NARS2: variants seen among roughly 807,000 people sequenced by gnomAD.
NARS2 encodes the protein asparaginyl-tRNA synthetase 2, mitochondrial.
Under a neutral mutation model 62.9 loss-of-function variants are expected in NARS2, and 60 were observed. The observed-to-expected ratio is 0.95, with a 90% CI of 0.77 to 1.18. NARS2 has a LOEUF of 1.18. NARS2 is among the 50% of genes most tolerant of loss of function. NARS2 has a pLI of 0.00. For missense variants in NARS2, 619 were observed against 576.4 expected (o/e 1.07, Z -0.76); for synonymous variants, 196 against 200.0 (o/e 0.98, Z 0.17).
chr11:78,565,981 G>T, intron 4 of NARS2, 151 bp downstream of exon 4: 1 of 589,936 alleles, frequency 1.7e-6, no homozygotes, highest in Non-Finnish European at 2.8e-6. Flanking sequence ...AGGTCATGTA[G>T]AGTCAAGAAA....
At chr11:78,449,477 G>A (rs955072959) in intron 11 of NARS2, among the ~76,000 whole-genome samples, 11 of 151,420 alleles carry the variant, frequency 7.3e-5, no homozygotes, top group Admixed American at 7.2e-4. Flanking sequence ...GGATAGCTAC[G>A]TTAAAAAAAA....
intron 5 of NARS2, among the ~76,000 whole-genome samples, chr11:78,534,102 G>C (rs543446234): frequency 6.6e-6 from 1 of 152,132 alleles, no homozygotes; most frequent in Non-Finnish European, 1.5e-5. Flanking sequence ...TATGAATAAA[G>C]CTGCTTTGTA....
chr11:78,551,576 C>T (rs568343501), intron 5 of NARS2, among the ~76,000 whole-genome samples: 15 of 152,294 alleles, frequency 9.8e-5, no homozygotes, highest in African/African-American at 1.9e-4. Flanking sequence ...CCAGGCTGGG[C>T]GCGGTGGCTC....
intron 13 of NARS2, 27 bp from the exon 14 acceptor site, chr11:78,436,841 A>G (rs778168471): frequency 6.2e-7 from 1 of 1,605,034 alleles, no homozygotes; most frequent in Admixed American, 1.7e-5. Flanking sequence ...GAAAATCATC[A>G]TCTATATATA....
At chr11:78,445,203 T>C (rs1857715653) in intron 11 of NARS2, among the ~76,000 whole-genome samples, 2 of 152,216 alleles carry the variant, frequency 1.3e-5, no homozygotes, top group Non-Finnish European at 2.9e-5. Flanking sequence ...AGTTTTATAA[T>C]AGAAAACATC....
At chr11:78,556,581 A>C (rs913475605) in intron 5 of NARS2, among the ~76,000 whole-genome samples, 1 of 152,156 alleles carries the variant, frequency 6.6e-6, no homozygotes, top group Non-Finnish European at 1.5e-5. Context: ...TTGCTTTTTG[A>C]TTTTTGTTTC....
intron 10 of NARS2, 97 bp downstream of exon 10, chr11:78,469,150 G>A (rs1236978254): frequency 1.6e-5 from 13 of 819,812 alleles, no homozygotes; most frequent in Non-Finnish European, 2.4e-5. Context: ...GCTAATAAGA[G>A]AATTAAGATG....
intron 6 of NARS2, among the ~76,000 whole-genome samples, chr11:78,509,605 CTTTAA>C (rs1052189714): frequency 2.0e-5 from 3 of 151,234 alleles, no homozygotes; most frequent in African/African-American, 7.3e-5. Context: ...TTTTCTACAG[CTTTAA>C]TTTAAGAGGT....
chr11:78,448,346 T>G (rs1857837201), intron 11 of NARS2, among the ~76,000 whole-genome samples: 1 of 150,358 alleles, frequency 6.7e-6, no homozygotes, highest in Non-Finnish European at 1.5e-5. Context: ...AGACGGACTC[T>G]CGCTCTGTAG....
intron 11 of NARS2, among the ~76,000 whole-genome samples, chr11:78,444,727 C>CAAAGGAAAAAAAA (rs56788561): frequency 1.1e-5 from 1 of 92,416 alleles, no homozygotes; most frequent in African/African-American, 3.6e-5. Context: ...TCAAACAAAA[C>CAAAGGAAAAAAAA]AAAAAAAAAA....
At chr11:78,461,783 CAA>C (rs56753439) in intron 11 of NARS2, among the ~76,000 whole-genome samples, 19 of 93,114 alleles carry the variant, frequency 2.0e-4, no homozygotes, top group Admixed American at 3.3e-4. Context: ...GTACCCACTA[CAA>C]AAAAAAAAAA....
intron 11 of NARS2, among the ~76,000 whole-genome samples, chr11:78,452,416 TTTTA>T (rs1364961125): frequency 1.3e-5 from 2 of 151,958 alleles, no homozygotes; most frequent in African/African-American, 4.8e-5. Context: ...CGATTTTTTT[TTTTA>T]TTTTTGAGAC....
intron 6 of NARS2, among the ~76,000 whole-genome samples, chr11:78,522,254 G>A (rs1391461997): frequency 6.6e-6 from 1 of 151,848 alleles, no homozygotes; most frequent in East Asian, 1.9e-4. Flanking sequence ...CACTGTGCCT[G>A]GTTGACAATC....
chr11:78,472,619 G>A (rs1227869994), intron 9 of NARS2, among the ~76,000 whole-genome samples: 1 of 152,184 alleles, frequency 6.6e-6, no homozygotes, highest in Non-Finnish European at 1.5e-5. Context: ...AACAGGTAGT[G>A]AAAAATACAC....
At chr11:78,521,361 C>T (rs914499597) in intron 6 of NARS2, among the ~76,000 whole-genome samples, 1 of 152,010 alleles carries the variant, frequency 6.6e-6, no homozygotes, top group Non-Finnish European at 1.5e-5. Flanking sequence ...TTTGTAGAGA[C>T]TAGGTCCCAC....
At chr11:78,573,862 C>G (rs1857016811) in intron 1 of NARS2, among the ~76,000 whole-genome samples, 1 of 152,180 alleles carries the variant, frequency 6.6e-6, no homozygotes, top group Non-Finnish European at 1.5e-5. Context: ...TCCAGTCTTT[C>G]TCCGAATTCA....
intron 7 of NARS2, among the ~76,000 whole-genome samples, chr11:78,479,112 T>C (rs779274943): frequency 1.3e-5 from 2 of 152,140 alleles, no homozygotes; most frequent in Admixed American, 1.3e-4. Context: ...CAAACATCAG[T>C]TGTTGTGAAC....
chr11:78,476,504 A>G (rs913429007), intron 9 of NARS2, among the ~76,000 whole-genome samples: 3 of 152,196 alleles, frequency 2.0e-5, no homozygotes, highest in Non-Finnish European at 4.4e-5. Flanking sequence ...TACCCTTCTA[A>G]TGCACTTTTT....
chr11:78,551,669 G>A (rs1228963049), intron 5 of NARS2, among the ~76,000 whole-genome samples: 1 of 152,014 alleles, frequency 6.6e-6, no homozygotes, highest in African/African-American at 2.4e-5. Context: ...TGGTCAAGAT[G>A]GTGAAATCCC....
Sources: gnomAD v4.1 joint callset for allele counts (sites outside exome capture counted in the v4.1 genomes callset) on GRCh38, gnomAD v4.1.1 for gene constraint, MANE v1.5 for transcripts, NCBI Gene and HGNC (gene_info 2026-07-23, HGNC 2026-07-21) for gene names.